CWC22: variants seen among roughly 807,000 people sequenced by gnomAD.
CWC22 encodes the protein CWC22 spliceosome associated protein, also known as pre-mRNA-splicing factor CWC22 homolog.
In CWC22, 53 loss-of-function variants were observed where a neutral mutation model predicts 117.2. The observed-to-expected ratio is 0.45, with a 90% CI of 0.36 to 0.57. The LOEUF (loss-of-function observed/expected upper bound fraction) is 0.57. CWC22 is among the 20% of genes least tolerant of loss of function. CWC22 has a pLI of 0.00. For missense variants in CWC22, 980 were observed against 1,068.8 expected (o/e 0.92, Z 1.16); for synonymous variants, 360 against 355.6 (o/e 1.01, Z -0.14).
intron 12 of CWC22, among the ~76,000 whole-genome samples, chr2:179,964,989 C>T (rs1328390585): frequency 2.2e-4 from 34 of 151,968 alleles, no homozygotes; most frequent in Admixed American, 2.0e-3. Context: ...ATAACTCATG[C>T]GTAAAAATTC....
rs928685245 is a variant in CWC22 at position 179,945,491 on chromosome 2, C to G, written c.2365G>C (p.Asp789His). ...DPITKYTSDK[D>H]VPSERNNYSR... ...TAGTTATTTCGTTCAGAAGGAACAT[C>G]TTTGTCTGATGTGTACTTTGTTATA... The change falls in exon 20 of 20, where the codon GAT (aspartate) becomes CAT (histidine). Residue 789 changes from aspartate (D) to histidine (H), a missense_variant. Around this residue, in one of 3 missense-constraint regions of CWC22, gnomAD observed 306 missense variants for 296.8 expected, o/e 1.03. Transcript: ENST00000410053. The G allele has an allele frequency of 7.4e-6, 12 of 1,612,894 alleles. No homozygotes were observed. The African/African-American group carries it at 1.6e-4, about 22-fold the overall frequency.
chr2:179,973,033 T>A (rs897927667), intron 8 of CWC22, among the ~76,000 whole-genome samples, 160 bp downstream of exon 8: 1 of 151,736 alleles, frequency 6.6e-6, no homozygotes, highest in Non-Finnish European at 1.5e-5. Flanking sequence ...AAAAAGAACA[T>A]TAAATATATT....
intron 5 of CWC22, 84 bp from the exon 6 acceptor site, chr2:179,978,402 C>T: frequency 3.9e-6 from 5 of 1,280,764 alleles, no homozygotes; most frequent in Non-Finnish European, 4.0e-6. Flanking sequence ...CATAGTGCTC[C>T]TTAATTTTTG....
chr2:179,968,649 C>G (rs576631756), intron 11 of CWC22, among the ~76,000 whole-genome samples: 3 of 151,940 alleles, frequency 2.0e-5, no homozygotes, highest in East Asian at 1.9e-4. Context: ...CTCACTGCAA[C>G]CTCCACCTCC....
At chr2:179,972,843 T>G (rs1449610638) in intron 8 of CWC22, among the ~76,000 whole-genome samples, 1 of 151,472 alleles carries the variant, frequency 6.6e-6, no homozygotes, top group Non-Finnish European at 1.5e-5. Context: ...CCGTCTCTAC[T>G]AAAAATACAA....
rs773159239 is a variant in CWC22, at chr2:179,945,135, T to C, written c.2721A>G (p.Gln907=). ...TTTATGTCATTTTGTAGAATTATTT[T>C]TGTTTTGCTGGAGACTTTTCTCTTC... ...DRRREKSPAK[Q]K is the part of the protein sequence containing the mutation. Residue 907 remains glutamine (Q), a synonymous_variant, in exon 20 of 20, where the codon CAA becomes CAG. Transcript: ENST00000410053. The C allele has an allele frequency of 6.3e-7, 1 of 1,585,544 alleles. No individual in the cohort carries two copies. Among genetic ancestry groups the C allele is most frequent in the Admixed American group, 1.9e-5 (1 of 53,088 alleles).
chr2:179,952,364 C>G, intron 17 of CWC22, 107 bp downstream of exon 17: 1 of 669,368 alleles, frequency 1.5e-6, no homozygotes, highest in South Asian at 4.7e-5. Flanking sequence ...AAGAAAGTCT[C>G]AGGGGGCTTA....
At chr2:179,993,067 G>A (rs1366996467) in intron 2 of CWC22, among the ~76,000 whole-genome samples, 1 of 152,114 alleles carries the variant, frequency 6.6e-6, no homozygotes, top group Non-Finnish European at 1.5e-5. Flanking sequence ...CTGCCCTCTT[G>A]CACACTAATA....
Position 179,945,016 on chromosome 2 carries a change from T to C in CWC22, c.*113A>G. The C allele has an allele frequency of 1.5e-6, 1 of 687,616 alleles. No homozygotes were observed. The highest frequency in any genetic ancestry group is 2.7e-5 in the South Asian group (1 of 37,548). The allele number at this position is 687,616 out of a possible 1,614,324, so 42.6% of individuals were successfully genotyped here. On this transcript the variant is annotated 3_prime_UTR_variant, in exon 20 of 20. Transcript: ENST00000410053. ...TTAAAATGAAAACATTTTTTAAATT[T>C]ACAAATACAAACCAATACTTTATAC...
chr2:180,002,975 T>C (rs1381903713), intron 1 of CWC22, among the ~76,000 whole-genome samples: 1 of 152,232 alleles, frequency 6.6e-6, no homozygotes, highest in Non-Finnish European at 1.5e-5. Flanking sequence ...CCTAGGACAG[T>C]GTCTGCTACT....
chr2:180,006,059 A>G (rs1030844766), intron 1 of CWC22, among the ~76,000 whole-genome samples: 2 of 152,104 alleles, frequency 1.3e-5, no homozygotes, highest in African/African-American at 4.8e-5. Context: ...ATTTATGTTA[A>G]CTCCTGAATT....
chr2:179,950,957 C>T (rs766950145), intron 17 of CWC22, 31 bp from the exon 18 acceptor site: 2 of 1,305,652 alleles, frequency 1.5e-6, no homozygotes, highest in South Asian at 2.7e-5. Flanking sequence ...CAAAAGAGAA[C>T]ACATTGCTTA....
chr2:179,974,309 T>C (rs1318782692), intron 6 of CWC22, among the ~76,000 whole-genome samples: 5 of 152,290 alleles, frequency 3.3e-5, no homozygotes, highest in African/African-American at 1.2e-4. Flanking sequence ...GGAATACTCC[T>C]GTGAGAAATA....
intron 19 of CWC22, among the ~76,000 whole-genome samples, chr2:179,949,646 T>C (rs1686397905): frequency 6.6e-6 from 1 of 152,180 alleles, no homozygotes; most frequent in Non-Finnish European, 1.5e-5. Context: ...GCACATCTTA[T>C]GACACACTGA....
chr2:179,990,201 T>A (rs1334236122), intron 2 of CWC22, among the ~76,000 whole-genome samples: 4 of 152,188 alleles, frequency 2.6e-5, no homozygotes, highest in Non-Finnish European at 4.4e-5. Context: ...AAATTCTGTA[T>A]CTAATATAAG....
chr2:179,965,055 A>G (rs991968131), intron 12 of CWC22, among the ~76,000 whole-genome samples: 4 of 150,458 alleles, frequency 2.7e-5, no homozygotes, highest in Non-Finnish European at 5.9e-5. Flanking sequence ...ACATAAATAC[A>G]TATATTTGTT....
chr2:179,986,670 C>G, intron 4 of CWC22, 25 bp downstream of exon 4: 1 of 1,321,242 alleles, frequency 7.6e-7, no homozygotes, highest in Non-Finnish European at 1.1e-6. Flanking sequence ...CAATTTTCTA[C>G]AAGTTAGAAA....
chr2:179,981,960 C>T lies in CWC22; in HGVS notation c.244G>A (p.Asp82Asn), dbSNP rs753541061. The change falls in exon 5 of 20, where the codon GAT becomes AAT. Residue 82 changes from aspartate to asparagine, a missense_variant. Around this residue, in one of 3 missense-constraint regions of CWC22, gnomAD observed 559 missense variants for 602.3 expected, o/e 0.93. Coordinates refer to ENST00000410053, the MANE Select transcript of CWC22 (RefSeq NM_020943.3). ...DREKRRERERDTDRKRSRKSP... is the reference protein window; with the variant it reads ...DREKRRERERNTDRKRSRKSP... ...TTCCGAGACCTTTTCCGATCCGTAT[C>T]TCTTTCTCTTTCTCTGCGTTTTTCT... 1.9e-6 allele frequency: 3 copies of T among 1,552,958 alleles called. No homozygotes were observed. In the South Asian group the frequency reaches 3.6e-5, roughly 18 times the overall value.
intron 3 of CWC22, among the ~76,000 whole-genome samples, chr2:179,988,121 G>A (rs1044116509): frequency 6.6e-6 from 1 of 152,150 alleles, no homozygotes; most frequent in Admixed American, 6.5e-5. Context: ...GAGCTCAGGC[G>A]GGAATGCTGG....
Sources: allele counts gnomAD v4.1 joint callset (sites outside exome capture counted in the v4.1 genomes callset), GRCh38; gene constraint gnomAD v4.1.1; regional missense constraint gnomAD v4.1.1; transcripts MANE v1.5; gene names NCBI Gene and HGNC (gene_info 2026-07-23, HGNC 2026-07-21).